Variants in DYM observed in about 807,000 individuals in gnomAD.
The protein encoded by DYM is dyggve-Melchior-Clausen syndrome protein.
A neutral mutation model predicts 93.1 loss-of-function variants in DYM; 78 were observed. The ratio of observed to expected loss-of-function variants is 0.84; its 90% CI spans 0.70 to 1.01. DYM has a LOEUF of 1.01. Among genes scored for constraint, DYM ranks in the 50% least tolerant of loss-of-function variants. DYM has a pLI of 0.00. For synonymous variants in DYM, 321 were observed against 319.7 expected, an observed-to-expected ratio of 1.00 and a Z score of -0.04; for missense variants, 789 against 845.0, an observed-to-expected ratio of 0.93 and a Z score of 0.82.
chr18:49,200,245 ATTT>A (rs1019860239), intron 14 of DYM, among the ~76,000 whole-genome samples: 23 of 152,148 alleles, frequency 1.5e-4, no homozygotes, highest in Middle Eastern at 3.4e-3. Flanking sequence ...AATTTGCATA[ATTT>A]TTTTAATTTG....
rs545256573 is a variant in DYM at position 49,302,609 on chromosome 18, G to C, written c.764-15993C>G. 2.0e-5 allele frequency among the ~76,000 whole-genome samples: 3 copies of C among 152,236 alleles called. No homozygotes were observed. The South Asian group carries it at 6.2e-4, about 32-fold the overall frequency. On this transcript the variant is annotated intron_variant, in intron 8 of 17. Transcript: ENST00000675505. ...TACTCAAGGAACTGTTGAAGGCGGA[G>C]GTGGGGGGACGAGTGAAAGAAGAGA...
At chr18:49,444,355 T>C (rs1270568970) in intron 1 of DYM, among the ~76,000 whole-genome samples, 1 of 152,198 alleles carries the variant, frequency 6.6e-6, no homozygotes, top group African/African-American at 2.4e-5. Context: ...CAAATTTTTC[T>C]GAATGAAAAG....
chr18:49,313,466 A>AAG, intron 8 of DYM, among the ~76,000 whole-genome samples: 1 of 94,354 alleles, frequency 1.1e-5, no homozygotes, highest in Non-Finnish European at 2.0e-5. Context: ...CTGTCACAAA[A>AAG]AAAAAAAAAA....
intron 13 of DYM, among the ~76,000 whole-genome samples, chr18:49,225,324 C>T (rs2093491742): frequency 6.6e-6 from 1 of 152,114 alleles, no homozygotes; most frequent in South Asian, 2.1e-4. Flanking sequence ...GTGGTGCAAG[C>T]ACAACCCTTG....
rs2070767478 is a variant in DYM, at chr18:49,037,992, T to G, written c.*6063A>C. Among the ~76,000 whole-genome samples the G allele has an allele frequency of 6.6e-6, 1 of 152,120 alleles. No homozygotes were observed. The highest frequency in any genetic ancestry group is 2.4e-5 in the African/African-American group (1 of 41,414). On this transcript the variant is annotated 3_prime_UTR_variant, in exon 18 of 18. Transcript: ENST00000675505. ...GGCACATGCCACCATGCCCAGTTAA[T>G]TTTTTTATTTTTTGTAAAGGTGGGG...
In DYM at chr18:49,109,406, G is replaced by A. The variant is rs1424902963; in HGVS notation, c.1911+9338C>T. Among the ~76,000 whole-genome samples, 5 of 151,994 alleles carry A rather than the reference G, an allele frequency of 3.3e-5. No homozygotes were observed. In the East Asian group the frequency reaches 5.8e-4, roughly 18 times the overall value. ...TTCTATTTTAATGTTTTCTTTAGTGGTTGCCCTAGAGTTTATACTATACAC... is the reference window on the plus strand; with the variant it reads ...TTCTATTTTAATGTTTTCTTTAGTGATTGCCCTAGAGTTTATACTATACAC... On this transcript the variant is annotated intron_variant, in intron 16 of 17. Transcript: ENST00000675505.
At chr18:49,198,024 A>G (rs989572658) in intron 14 of DYM, among the ~76,000 whole-genome samples, 4 of 152,254 alleles carry the variant, frequency 2.6e-5, no homozygotes, top group African/African-American at 7.2e-5. Flanking sequence ...TACTGGTACC[A>G]AAACAGAGAT....
At chr18:49,424,303 A>C (rs563461740) in intron 2 of DYM, among the ~76,000 whole-genome samples, 1 of 152,262 alleles carries the variant, frequency 6.6e-6, no homozygotes, top group East Asian at 1.9e-4. Flanking sequence ...AAACCACATA[A>C]TTATCTCAAT....
intron 9 of DYM, 97 bp from the exon 10 acceptor site, chr18:49,282,272 T>C (rs1203157013): frequency 2.5e-6 from 3 of 1,184,360 alleles, no homozygotes; most frequent in Admixed American, 3.9e-5. Context: ...TTCCCATTAA[T>C]TTTATGGAAA....
At position 49,258,405 on chromosome 18, in the gene DYM, A is replaced by G. The variant is rs1335707022; in HGVS notation, c.1340T>C (p.Ile447Thr). Reference sequence around the variant, plus strand: ...TCGTGTCCTAGTCATGTTGTATTGAATGGTTCTTATTACCACCAGGATCAG... The same window carrying G: ...TCGTGTCCTAGTCATGTTGTATTGAGTGGTTCTTATTACCACCAGGATCAG... ...SLLILVVIRT[I>T]QYNMTRTRDK... The change falls in exon 12 of 18, where the codon ATT becomes ACT. Residue 447 changes from isoleucine to threonine, a missense_variant. Transcript: ENST00000675505. The G allele has an allele frequency of 6.2e-7, 1 of 1,611,948 alleles. No homozygotes were observed. The highest frequency in any genetic ancestry group is 1.3e-5 in the African/African-American group (1 of 75,006).
At chr18:49,057,834 C>T (rs1358025002) in intron 17 of DYM, among the ~76,000 whole-genome samples, 1 of 152,262 alleles carries the variant, frequency 6.6e-6, no homozygotes, top group Admixed American at 6.5e-5. Context: ...TTAGAGGTGG[C>T]TCTGACACTA....
intron 5 of DYM, among the ~76,000 whole-genome samples, chr18:49,365,149 T>G (rs1207241766): frequency 6.6e-6 from 1 of 150,966 alleles, no homozygotes; most frequent in Non-Finnish European, 1.5e-5. Context: ...TCAAAGCACT[T>G]GGAGTCTCAA....
chr18:49,393,637 G>A (rs2069673860), intron 2 of DYM: 1 of 152,232 alleles, frequency 6.6e-6, no homozygotes, highest in Non-Finnish European at 1.5e-5. Context: ...GGGTGTGGTG[G>A]TGCATGCCTG....
rs146566216 is a variant in DYM, at chr18:49,130,807, C to T, written c.1729-11881G>A. 9.7e-3 allele frequency among the ~76,000 whole-genome samples: 1,481 copies of T among 152,220 alleles called. 8 individuals carry two copies. Among genetic ancestry groups the T allele is most frequent in the Middle Eastern group, 0.027 (8 of 294 alleles). On this transcript the variant is annotated intron_variant, in intron 15 of 17. Transcript: ENST00000675505. ...CAGGTTACCATTTAGGGGAGAGGCA[C>T]CCTGTGAAAGTACAAGGCGCTATGG...
At chr18:49,269,700 T>C (rs770334619) in intron 11 of DYM, among the ~76,000 whole-genome samples, 5 of 152,230 alleles carry the variant, frequency 3.3e-5, no homozygotes, top group Non-Finnish European at 7.3e-5. Context: ...GTTGTAGCCA[T>C]TGTAGCACAA....
At chr18:49,232,136 TTTGAAAGACAGGTACG>T (rs967782261) in intron 13 of DYM, among the ~76,000 whole-genome samples, 3 of 152,140 alleles carry the variant, frequency 2.0e-5, no homozygotes, top group African/African-American at 7.2e-5. Flanking sequence ...TAAGATCTTG[TTTGAAAGACAGGTACG>T]TTATGAAGTA....
At chr18:49,049,292 T>TA (rs1268030348) in intron 17 of DYM, among the ~76,000 whole-genome samples, 3 of 152,332 alleles carry the variant, frequency 2.0e-5, no homozygotes, top group East Asian at 3.9e-4. Context: ...GGCAGGCAGA[T>TA]AATTTGAGTT....
intron 7 of DYM, among the ~76,000 whole-genome samples, chr18:49,332,394 G>A (rs2063374123): frequency 6.6e-6 from 1 of 152,250 alleles, no homozygotes; most frequent in Admixed American, 6.5e-5. Flanking sequence ...GAGCCACCGT[G>A]CCCAGCCCAC....
chr18:49,345,662 G>A (rs6507898), intron 6 of DYM, among the ~76,000 whole-genome samples: 142,912 of 152,222 alleles, frequency 0.94, 67,161 homozygotes, highest in East Asian at 1. Flanking sequence ...GATGAGGTTT[G>A]AAAAGGTAAA....
Sources: allele counts gnomAD v4.1 joint callset (sites outside exome capture counted in the v4.1 genomes callset), GRCh38; gene constraint gnomAD v4.1.1; transcripts MANE v1.5; gene names NCBI Gene and HGNC (gene_info 2026-07-23, HGNC 2026-07-21).